MSANTD2: variants seen among roughly 807,000 people sequenced by gnomAD.
The protein encoded by MSANTD2 is myb/SANT-like DNA-binding domain-containing protein 2.
MSANTD2 carries 19 observed loss-of-function variants against 52.6 expected under a neutral mutation model. The ratio of observed to expected loss-of-function variants is 0.36; its 90% CI spans 0.25 to 0.53. MSANTD2 has a LOEUF of 0.53. MSANTD2 is among the 20% of genes least tolerant of loss of function. MSANTD2 has a pLI of 0.91. For synonymous variants in MSANTD2, 291 were observed against 289.7 expected, an observed-to-expected ratio of 1.00 and a Z score of -0.04; for missense variants, 558 against 716.3, an observed-to-expected ratio of 0.78 and a Z score of 2.52.
chr11:124,794,594 G>A (rs139405946), intron 1 of MSANTD2, among the ~76,000 whole-genome samples: 268 of 152,290 alleles, frequency 1.8e-3, no homozygotes, highest in African/African-American at 6.2e-3. Context: ...GTCTGCAAAC[G>A]CCAAAGAGAA....
chr11:124,800,311 A>G lies in MSANTD2; in HGVS notation c.70T>C (p.Ser24Pro), dbSNP rs749236911. The change falls in exon 1 of 4, where the codon TCC (serine) becomes CCC (proline). Residue 24 changes from serine to proline, a missense_variant. Transcript: ENST00000374979. This position sits in a 1 kb window ranked among gnomAD's most constrained non-coding sequence, Gnocchi z 4.3. ...PLKIPKMEVL[S>P]PASPGGLSDG... ...CTCAGGCCACCAGGAGAAGCCGGGG[A>G]AAGCACCTCCATCTTCGGAATTTTT... 1 of 1,566,278 alleles carries G rather than the reference A, an allele frequency of 6.4e-7. No individual in the cohort carries two copies. Among genetic ancestry groups the G allele is most frequent in the South Asian group, 1.2e-5 (1 of 86,368 alleles).
At chr11:124,788,288 G>A (rs1945225596) in intron 1 of MSANTD2, among the ~76,000 whole-genome samples, 1 of 151,986 alleles carries the variant, frequency 6.6e-6, no homozygotes, top group South Asian at 2.1e-4. Flanking sequence ...ATAGAAATAA[G>A]AAATATGAAT....
rs746306230 is a variant in MSANTD2 at position 124,767,292 on chromosome 11, A to G, written c.1564T>C (p.Ser522Pro). 44 of 1,614,104 alleles carry G rather than the reference A, an allele frequency of 2.7e-5. No individual in the cohort carries two copies. Among genetic ancestry groups the G allele is most frequent in the Admixed American group, 1.7e-4 (10 of 60,010 alleles). ...SQNCIVDPGV[S>P]PKSIYIKFVE... ...AATTTGATGTAGATGGATTTGGGGG[A>G]AACTCCGGGATCCACAATACAGTTC... Residue 522 changes from serine to proline, a missense_variant, in exon 4 of 4, where the codon TCC becomes CCC. Around this residue, in one of 2 missense-constraint regions of MSANTD2, gnomAD observed 408 missense variants for 573.6 expected, o/e 0.71. Coordinates refer to ENST00000374979, the MANE Select transcript of MSANTD2 (RefSeq NM_001308027.2). This position sits in a 1 kb window ranked among gnomAD's most constrained non-coding sequence, Gnocchi z 6.5.
At chr11:124,777,335 G>C (rs903277842) in intron 1 of MSANTD2, among the ~76,000 whole-genome samples, 1 of 152,206 alleles carries the variant, frequency 6.6e-6, no homozygotes, top group Non-Finnish European at 1.5e-5. Context: ...GGCCCAGTTG[G>C]CTCTGTTGCT....
intron 3 of MSANTD2, 101 bp downstream of exon 3, chr11:124,772,893 T>A (rs1173185160): frequency 4.0e-6 from 3 of 758,278 alleles, no homozygotes; most frequent in Non-Finnish European, 6.9e-6. Flanking sequence ...CCTTGGTGAA[T>A]GGCCGGAACT....
intron 1 of MSANTD2, among the ~76,000 whole-genome samples, chr11:124,785,427 G>A (rs1591465345): frequency 6.6e-6 from 1 of 152,386 alleles, no homozygotes; most frequent in African/African-American, 2.4e-5. Flanking sequence ...TGAGAAGCAG[G>A]GCTGGGCACA....
Position 124,775,277 on chromosome 11 carries a change from G to T in MSANTD2, c.511-303C>A, listed in dbSNP as rs138722862. The T allele has an allele frequency of 5.7e-4, 114 of 201,742 alleles. 1 individual carries two copies. The highest frequency in any genetic ancestry group is 2.4e-3 in the African/African-American group (101 of 42,864). 12.5% of individuals were successfully genotyped at this position (201,742 alleles called of 1,614,324 possible). ...TTATACCCCCACCCCCATTTAAAAA[G>T]AATAAGGGGGAAAAAAAACAAGAAA... On this transcript the variant is annotated intron_variant, in intron 1 of 3. Transcript: ENST00000374979.
chr11:124,786,095 C>CTTTTTT (rs200399771), intron 1 of MSANTD2, among the ~76,000 whole-genome samples: 13 of 114,380 alleles, frequency 1.1e-4, no homozygotes, highest in East Asian at 2.3e-4. Flanking sequence ...ATCATTTCTT[C>CTTTTTT]TTTTTTTTTT....
At chr11:124,776,324 A>C (rs1333515818) in intron 1 of MSANTD2, 1 of 152,254 alleles carries the variant, frequency 6.6e-6, no homozygotes. Flanking sequence ...TTGAGACAGC[A>C]CTTCGCTCTT....
At chr11:124,773,925 CTGAT>C (rs1208447951) in intron 2 of MSANTD2, among the ~76,000 whole-genome samples, 1 of 152,146 alleles carries the variant, frequency 6.6e-6, no homozygotes, top group Non-Finnish European at 1.5e-5. Context: ...TGTACAATGG[CTGAT>C]TGATCAGTAC....
At chr11:124,769,640 C>T (rs950320859) in intron 3 of MSANTD2, among the ~76,000 whole-genome samples, 5 of 152,124 alleles carry the variant, frequency 3.3e-5, no homozygotes, top group Admixed American at 3.3e-4. Flanking sequence ...TGAAGTATCC[C>T]AATGCCTGAC....
At chr11:124,787,919 C>A (rs1945210304) in intron 1 of MSANTD2, among the ~76,000 whole-genome samples, 1 of 151,862 alleles carries the variant, frequency 6.6e-6, no homozygotes, top group African/African-American at 2.4e-5. Flanking sequence ...CATGGCAAAA[C>A]CCCATCTCTA....
At chr11:124,772,081 T>C (rs1944544702) in intron 3 of MSANTD2, among the ~76,000 whole-genome samples, 1 of 152,212 alleles carries the variant, frequency 6.6e-6, no homozygotes, top group Admixed American at 6.5e-5. Context: ...AAGATAATGC[T>C]AAACTCGGGG....
At position 124,779,339 on chromosome 11, in the gene MSANTD2, AAATTCTT is replaced by A. The variant is rs1284447984; in HGVS notation, c.511-4372_511-4366del. Among the ~76,000 whole-genome samples, 14 of 152,330 alleles carry A rather than the reference AAATTCTT, an allele frequency of 9.2e-5. No homozygotes were observed. Among genetic ancestry groups the A allele is most frequent in the Non-Finnish European group, 2.1e-4 (14 of 68,024 alleles). On this transcript the variant is annotated intron_variant, in intron 1 of 3. Transcript: ENST00000374979. The surrounding 1 kb of genome is among the most constrained non-coding windows in gnomAD (Gnocchi z 4.6). ...TGACTTTCAGGAAATGGGAAGAATT[AAATTCTT>A]CCCTGGTAGGGCAAAGTAGAAAACA...
At chr11:124,788,368 T>C (rs1021052632) in intron 1 of MSANTD2, among the ~76,000 whole-genome samples, 1 of 151,988 alleles carries the variant, frequency 6.6e-6, no homozygotes, top group Non-Finnish European at 1.5e-5. Flanking sequence ...TTTTGGTGCA[T>C]CAAAATTTAC....
chr11:124,784,783 T>C (rs944831968), intron 1 of MSANTD2: 3 of 510,330 alleles, frequency 5.9e-6, no homozygotes, highest in African/African-American at 4.2e-5. Flanking sequence ...AGAATCCTGA[T>C]AGGCAGATAA....
Position 124,799,984 on chromosome 11 carries a change from C to T in MSANTD2, c.397G>A (p.Gly133Ser). Residue 133 changes from glycine to serine, a missense_variant, in exon 1 of 4, where the codon GGC becomes AGC. Physicochemically the swap from Gly to Ser is moderately conservative, Grantham distance 56 (BLOSUM62 0). This residue lies in a region of MSANTD2 where 408 missense variants were observed against 573.6 expected (regional missense o/e 0.71). Coordinates refer to ENST00000374979, the MANE Select transcript of MSANTD2 (RefSeq NM_001308027.2). ...GGGGCCTTGCTGCCGAACACCGTGCCGGCTCCCTCCAGCTGCTGGTACCGC... is the reference window on the plus strand; with the variant it reads ...GGGGCCTTGCTGCCGAACACCGTGCTGGCTCCCTCCAGCTGCTGGTACCGC... ...EARYQQLEGA[G>S]TVFGSKAPGP... 8 of 1,584,654 alleles carry T rather than the reference C, an allele frequency of 5.0e-6. No individual in the cohort carries two copies. The highest frequency in any genetic ancestry group is 6.8e-6 in the Non-Finnish European group (8 of 1,174,762).
intron 2 of MSANTD2, among the ~76,000 whole-genome samples, chr11:124,773,774 A>T (rs1944631625): frequency 6.6e-6 from 1 of 152,202 alleles, no homozygotes; most frequent in Admixed American, 6.5e-5. Context: ...AACAGAGCCC[A>T]TGGACTTTTA....
chr11:124,792,419 C>G (rs1057213492), intron 1 of MSANTD2: 2 of 152,232 alleles, frequency 1.3e-5, no homozygotes, highest in Non-Finnish European at 2.9e-5. Context: ...CAGCTGAACA[C>G]TGTTTGGATG....
Sources: gnomAD v4.1 joint callset for allele counts (sites outside exome capture counted in the v4.1 genomes callset) on GRCh38, gnomAD v4.1.1 for gene constraint, gnomAD v4.1.1 regional missense constraint, Gnocchi (gnomAD v3.1) non-coding constraint, MANE v1.5 for transcripts, NCBI Gene and HGNC (gene_info 2026-07-23, HGNC 2026-07-21) for gene names.